Variants in ROBO1 observed in about 807,000 individuals in gnomAD.
The protein encoded by ROBO1 is roundabout homolog 1.
ROBO1 carries 149 observed loss-of-function variants against 195.9 expected under a neutral mutation model. The ratio of observed to expected loss-of-function variants is 0.76; its 90% CI spans 0.67 to 0.87. ROBO1 has a LOEUF of 0.87. ROBO1 is among the 40% of genes least tolerant of loss of function. The pLI, the probability that ROBO1 is intolerant of heterozygous loss-of-function variation, is 0.00. For missense variants in ROBO1, 1,933 were observed against 2,068.3 expected (o/e 0.93, Z 1.27); for synonymous variants, 816 against 733.2 (o/e 1.11, Z -1.82).
chr3:78,836,342 C>T (rs2032712952), intron 4 of ROBO1, among the ~76,000 whole-genome samples: 2 of 151,856 alleles, frequency 1.3e-5, no homozygotes, highest in South Asian at 4.1e-4. Flanking sequence ...GAAACCCCGT[C>T]TCCACTAAAA....
intron 2 of ROBO1, among the ~76,000 whole-genome samples, chr3:79,257,109 T>C (rs2082848311): frequency 1.3e-5 from 2 of 152,192 alleles, no homozygotes; most frequent in African/African-American, 4.8e-5. Flanking sequence ...AAAGTAAGTT[T>C]GAAATTGTAA....
chr3:79,087,134 A>G (rs747022081), intron 3 of ROBO1, among the ~76,000 whole-genome samples: 154 of 152,256 alleles, frequency 1.0e-3, no homozygotes, highest in Non-Finnish European at 1.6e-3. Flanking sequence ...GACAGGATGC[A>G]TATTAAAACA....
At chr3:78,844,180 A>G (rs948333000) in intron 4 of ROBO1, among the ~76,000 whole-genome samples, 3 of 152,154 alleles carry the variant, frequency 2.0e-5, no homozygotes, top group African/African-American at 7.2e-5. Context: ...CTAAGCTACT[A>G]TGAAGGAAAT....
chr3:79,065,754 A>C (rs1438365462), intron 3 of ROBO1, among the ~76,000 whole-genome samples: 2 of 151,938 alleles, frequency 1.3e-5, no homozygotes, highest in Non-Finnish European at 2.9e-5. Flanking sequence ...ATGACTAGGA[A>C]AAATTTATTT....
chr3:79,561,229 C>A (rs1942908638), intron 2 of ROBO1, among the ~76,000 whole-genome samples: 1 of 152,118 alleles, frequency 6.6e-6, no homozygotes, highest in Non-Finnish European at 1.5e-5. Flanking sequence ...TAGTTTTGAA[C>A]CAGTTAAAAA....
At position 78,941,586 on chromosome 3, in the gene ROBO1, C is replaced by T. The variant is rs914018437; in HGVS notation, c.173-2659G>A. On this transcript the variant is annotated intron_variant, in intron 3 of 30. Coordinates refer to ENST00000464233, the MANE Select transcript of ROBO1 (RefSeq NM_002941.4). ...TTATGAGGATACAAAGAAGGGCCAC[C>T]GAAGATTGCCTGAGCAAGTCAGAGA... Among the ~76,000 whole-genome samples, 10 of 152,034 alleles carry T rather than the reference C, an allele frequency of 6.6e-5. 1 individual carries two copies. Among genetic ancestry groups the T allele is most frequent in the Non-Finnish European group, 1.2e-4 (8 of 67,998 alleles).
intron 3 of ROBO1, among the ~76,000 whole-genome samples, chr3:79,036,369 T>C (rs950293723): frequency 5.3e-5 from 8 of 152,146 alleles, no homozygotes; most frequent in African/African-American, 1.9e-4. Context: ...TGATAACCAC[T>C]GGTCTGGTTC....
intron 10 of ROBO1, among the ~76,000 whole-genome samples, chr3:78,672,467 C>T (rs1559726088): frequency 2.0e-5 from 3 of 151,606 alleles, no homozygotes. Context: ...TGGTGTGCAC[C>T]TGTAGTCCCA....
chr3:79,592,152 T>C (rs1944017392), intron 1 of ROBO1, among the ~76,000 whole-genome samples: 2 of 152,104 alleles, frequency 1.3e-5, no homozygotes, highest in East Asian at 1.9e-4. Context: ...AATAGCCATA[T>C]ATAGCTTATT....
rs111677728 is a variant in ROBO1, at chr3:79,036,435, C to T, written c.172+89021G>A. Among the ~76,000 whole-genome samples the T allele has an allele frequency of 6.1e-4, 93 of 152,144 alleles. 1 individual carries two copies. Among genetic ancestry groups the T allele is most frequent in the African/African-American group, 2.1e-3 (88 of 41,524 alleles). ...GCCTTAATTTTAACATTGTGTCAGA[C>T]AGAGTAGAATATATACTGCCTTTCA... On this transcript the variant is annotated intron_variant, in intron 3 of 30. Transcript: ENST00000464233.
intron 2 of ROBO1, among the ~76,000 whole-genome samples, chr3:79,129,013 C>T (rs1029830931): frequency 1.7e-4 from 26 of 152,012 alleles, no homozygotes; most frequent in African/African-American, 4.3e-4. Flanking sequence ...TCCAAGGCTT[C>T]GATTATTTTT....
At chr3:79,571,007 T>G (rs184368743) in intron 2 of ROBO1, among the ~76,000 whole-genome samples, 1 of 152,250 alleles carries the variant, frequency 6.6e-6, no homozygotes, top group Admixed American at 6.5e-5. Flanking sequence ...AGAGTCTTGT[T>G]TTCATAAACA....
chr3:78,894,015 G>T (rs2037080531), intron 4 of ROBO1, among the ~76,000 whole-genome samples: 1 of 152,082 alleles, frequency 6.6e-6, no homozygotes, highest in Admixed American at 6.5e-5. Flanking sequence ...CAGAGATAAG[G>T]TTTTGCCAGA....
At chr3:78,945,047 C>A (rs921666705) in intron 3 of ROBO1, among the ~76,000 whole-genome samples, 11 of 152,202 alleles carry the variant, frequency 7.2e-5, no homozygotes, top group Admixed American at 6.5e-4. Context: ...AAGCCCACCA[C>A]AGCTCAAGGA....
intron 1 of ROBO1, among the ~76,000 whole-genome samples, chr3:79,628,050 T>C (rs1000353247): frequency 3.3e-5 from 5 of 152,158 alleles, no homozygotes; most frequent in Admixed American, 2.6e-4. Context: ...CGTAAGTTAG[T>C]TCAATCATTG....
At chr3:79,550,069 G>A in intron 2 of ROBO1, among the ~76,000 whole-genome samples, 1 of 151,402 alleles carries the variant, frequency 6.6e-6, no homozygotes, top group Non-Finnish European at 1.5e-5. Flanking sequence ...AGGTTGCAGT[G>A]AGCTGTTATC....
intron 8 of ROBO1, among the ~76,000 whole-genome samples, chr3:78,700,438 G>A (rs1008449298): frequency 3.3e-5 from 5 of 152,156 alleles, no homozygotes; most frequent in African/African-American, 1.2e-4. Context: ...CCAGAGTTAA[G>A]GTACATGATG....
rs554331049 is a variant in ROBO1 at position 79,387,947 on chromosome 3, T to C, written c.88+201877A>G. ...AATAAATGCTATGTTCTTTTAAAAT[T>C]TGTATACCCAGCAATTCTCACAGTG... On this transcript the variant is annotated intron_variant, in intron 2 of 30. Transcript: ENST00000464233. Among the ~76,000 whole-genome samples, 4 of 152,248 alleles carry C rather than the reference T, an allele frequency of 2.6e-5. No individual in the cohort carries two copies. In the South Asian group the frequency reaches 6.2e-4, roughly 24 times the overall value.
intron 2 of ROBO1, among the ~76,000 whole-genome samples, chr3:79,278,823 GCA>G (rs2031275860): frequency 6.6e-6 from 1 of 152,094 alleles, no homozygotes; most frequent in African/African-American, 2.4e-5. Flanking sequence ...GGCAACTGAA[GCA>G]AAAATAAACA....
Sources: allele counts gnomAD v4.1 joint callset (sites outside exome capture counted in the v4.1 genomes callset), GRCh38; gene constraint gnomAD v4.1.1; transcripts MANE v1.5; gene names NCBI Gene and HGNC (gene_info 2026-07-23, HGNC 2026-07-21).